SP140: variants seen among roughly 807,000 people sequenced by gnomAD.
SP140 encodes the protein SP140 nuclear body protein.
A neutral mutation model predicts 125.0 loss-of-function variants in SP140; 81 were observed. The observed-to-expected ratio is 0.65, with a 90% CI of 0.54 to 0.78. The LOEUF (loss-of-function observed/expected upper bound fraction) is 0.78. Ranked by LOEUF, SP140 falls within the 30% of genes least tolerant of loss-of-function variation. The pLI, the probability that SP140 is intolerant of heterozygous loss-of-function variation, is 0.00. For synonymous variants in SP140, 312 were observed against 354.0 expected (o/e 0.88, Z 1.33); for missense variants, 858 against 1,037.0 (o/e 0.83, Z 2.37).
chr2:230,243,794 C>T lies in SP140; in HGVS notation c.554C>T (p.Ser185Leu), dbSNP rs371799738. 5.6e-5 allele frequency: 91 copies of T among 1,612,050 alleles called. No homozygotes were observed. The highest frequency in any genetic ancestry group is 5.0e-5 in the Non-Finnish European group (59 of 1,178,606). The change falls in exon 5 of 27, where the codon TCG becomes TTG. Residue 185 changes from serine to leucine, a missense_variant. Around this residue, in one of 4 missense-constraint regions of SP140, gnomAD observed 791 missense variants for 869.5 expected, o/e 0.91. Transcript: ENST00000392045. ...GTGCCTCAGGAAGCCTTGAGCTCCT[C>T]GCCAAGGTGTGAGCCAGGTAAGGAA... is the stretch of plus-strand genomic sequence containing the variant. Reference protein sequence around the residue: ...IAVPQEALSSSPRCEPGFSSE... With the variant: ...IAVPQEALSSLPRCEPGFSSE...
chr2:230,219,892 G>T, intron 3 of SP140: 1 of 984,738 alleles, frequency 1.0e-6, no homozygotes, highest in South Asian at 4.7e-5. Flanking sequence ...TGAGTTTGTC[G>T]TTCCTGCCCC....
chr2:230,254,545 A>G (rs965884928), intron 11 of SP140, among the ~76,000 whole-genome samples: 1 of 152,172 alleles, frequency 6.6e-6, no homozygotes, highest in African/African-American at 2.4e-5. Context: ...CAGGAACTGA[A>G]CACCTCACAG....
chr2:230,230,230 T>A (rs557486432), intron 1 of SP140, among the ~76,000 whole-genome samples: 1 of 152,200 alleles, frequency 6.6e-6, no homozygotes, highest in Non-Finnish European at 1.5e-5. Context: ...ATTGCTTAGG[T>A]TGGGAATGAA....
At chr2:230,314,678 C>G (rs923108501), downstream of SP140, among the ~76,000 whole-genome samples, 7 of 152,176 alleles carry the variant, frequency 4.6e-5, no homozygotes, top group African/African-American at 1.4e-4. Context: ...AGTTGGTGTG[C>G]TAGAATGACT....
upstream of SP140, among the ~76,000 whole-genome samples, chr2:230,224,430 GGAGGGAGAGGGAGGGAGAGA>G (rs1191965342): frequency 7.2e-5 from 10 of 138,420 alleles, no homozygotes; most frequent in African/African-American, 2.4e-4. Flanking sequence ...TTTTAAAGAG[GGAGGGAGAGGGAGGGAGAGA>G]GAGGGAGAGG....
intron 12 of SP140, among the ~76,000 whole-genome samples, chr2:230,255,997 A>AT (rs1275763012): frequency 6.6e-6 from 1 of 152,130 alleles, no homozygotes; most frequent in African/African-American, 2.4e-5. Flanking sequence ...TTTTGCCTTT[A>AT]TTTTTTCTAG....
upstream of SP140, among the ~76,000 whole-genome samples, chr2:230,199,608 C>T (rs572500655): frequency 7.9e-5 from 12 of 152,036 alleles, no homozygotes; most frequent in East Asian, 1.9e-4. Flanking sequence ...AAAAGCATAA[C>T]GCTTTTTCTG....
chr2:230,302,676 C>A (rs1403750349), intron 22 of SP140, among the ~76,000 whole-genome samples: 1 of 152,120 alleles, frequency 6.6e-6, no homozygotes, highest in Non-Finnish European at 1.5e-5. Flanking sequence ...CAAGTCTCAA[C>A]AAATTTAAGA....
At chr2:230,270,497 C>A in intron 14 of SP140, 89 bp from the exon 15 acceptor site, 2 of 1,292,694 alleles carry the variant, frequency 1.5e-6, no homozygotes, top group Non-Finnish European at 2.2e-6. Flanking sequence ...TCTGTATAAA[C>A]TCAAGCCTTC....
intron 3 of SP140, among the ~76,000 whole-genome samples, chr2:230,216,470 T>A (rs537775344): frequency 6.6e-6 from 1 of 152,308 alleles, no homozygotes; most frequent in East Asian, 1.9e-4. Context: ...CCTCAGGGCC[T>A]CTAGAAGGAA....
At chr2:230,293,847 G>A (rs562163341) in intron 20 of SP140, among the ~76,000 whole-genome samples, 96 of 152,168 alleles carry the variant, frequency 6.3e-4, no homozygotes, top group African/African-American at 2.1e-3. Flanking sequence ...CTTTTTGTCC[G>A]TAGACTCCTT....
intron 12 of SP140, among the ~76,000 whole-genome samples, chr2:230,268,484 G>T (rs796068470): frequency 6.6e-6 from 1 of 150,990 alleles, no homozygotes; most frequent in African/African-American, 2.4e-5. Flanking sequence ...GAGATTACGC[G>T]GTTGCACTCC....
intron 5 of SP140, among the ~76,000 whole-genome samples, chr2:230,244,149 A>G (rs1040758070): frequency 1.3e-5 from 2 of 152,226 alleles, no homozygotes; most frequent in Admixed American, 6.5e-5. Flanking sequence ...GTTCCATCAG[A>G]CCAACTACTC....
At chr2:230,280,085 T>C (rs941663316) in intron 15 of SP140, among the ~76,000 whole-genome samples, 2 of 152,202 alleles carry the variant, frequency 1.3e-5, no homozygotes, top group African/African-American at 4.8e-5. Context: ...TTTGTGTCCA[T>C]AGTAATTTAA....
In SP140 at chr2:230,237,312, C is replaced by A; in HGVS notation, c.237+52C>A. On this transcript the variant is annotated intron_variant, in intron 2 of 26. Transcript: ENST00000392045. The surrounding 1 kb of genome is among the most constrained non-coding windows in gnomAD (Gnocchi z 5.4). ...AAACCAGGTCCATACTCAATTATGC[C>A]AAACTTCAAGATGCAATGAGCAGGC... The A allele has an allele frequency of 1.9e-6, 3 of 1,545,392 alleles. No homozygotes were observed. The South Asian group carries it at 3.5e-5, about 18-fold the overall frequency.
chr2:230,314,806 A>T (rs2059472650), downstream of SP140, among the ~76,000 whole-genome samples: 1 of 152,246 alleles, frequency 6.6e-6, no homozygotes, highest in Admixed American at 6.5e-5. Context: ...CTGAGGGGGC[A>T]GCACATCCTT....
chr2:230,226,581 G>A (rs548159303), intron 1 of SP140, among the ~76,000 whole-genome samples: 2 of 152,142 alleles, frequency 1.3e-5, no homozygotes, highest in African/African-American at 4.8e-5. Context: ...TGACCAACGT[G>A]GAGAAACCCT....
At chr2:230,225,705 C>A, upstream of SP140, 1 of 729,892 alleles carries the variant, frequency 1.4e-6, no homozygotes, top group Non-Finnish European at 2.5e-6. Context: ...GTTGGTGCAC[C>A]CACGTCAGCT....
intron 7 of SP140, among the ~76,000 whole-genome samples, chr2:230,246,430 A>G (rs1281646120): frequency 6.6e-6 from 1 of 152,202 alleles, no homozygotes; most frequent in African/African-American, 2.4e-5. Flanking sequence ...GGGTAATATT[A>G]CCACATTGGG....
Sources: allele counts gnomAD v4.1 joint callset (sites outside exome capture counted in the v4.1 genomes callset), GRCh38; gene constraint gnomAD v4.1.1; regional missense constraint gnomAD v4.1.1; non-coding constraint Gnocchi (gnomAD v3.1); transcripts MANE v1.5; gene names NCBI Gene and HGNC (gene_info 2026-07-23, HGNC 2026-07-21).